Variants in SLC44A3 observed in about 807,000 individuals in gnomAD.
SLC44A3 encodes choline transporter-like protein 3.
Under a neutral mutation model 75.4 loss-of-function variants are expected in SLC44A3, and 74 were observed. The ratio of observed to expected loss-of-function variants is 0.98; its 90% CI spans 0.81 to 1.19. SLC44A3 has a LOEUF of 1.19. Ranked by LOEUF, SLC44A3 falls within the 50% of genes most tolerant of loss-of-function variation. The pLI, the probability that SLC44A3 is intolerant of heterozygous loss-of-function variation, is 0.00. For missense variants in SLC44A3, 700 were observed against 778.6 expected (o/e 0.90, Z 1.20); for synonymous variants, 310 against 296.9 (o/e 1.04, Z -0.45).
At chr1:94,858,642 G>A (rs1666195576) in intron 10 of SLC44A3, among the ~76,000 whole-genome samples, 1 of 152,080 alleles carries the variant, frequency 6.6e-6, no homozygotes, top group African/African-American at 2.4e-5. Context: ...CCATTGAGCA[G>A]TTTCCTCCTG....
At position 94,845,448 on chromosome 1, in the gene SLC44A3, GA is replaced by G; in HGVS notation, c.1057del (p.Ser353AlafsTer32). 1 of 1,611,986 alleles carries G rather than the reference GA, an allele frequency of 6.2e-7. No homozygotes were observed. Among genetic ancestry groups the G allele is most frequent in the Non-Finnish European group, 8.5e-7 (1 of 1,179,858 alleles). On this transcript the variant is annotated frameshift_variant, in exon 9 of 15. Transcript: ENST00000271227. LOFTEE classifies it high-confidence loss of function. ...FWVLWVAVLL[S>X]LGTAGAAQVM... Reference sequence around the variant, plus strand: ...GGGTCCTCTGGGTGGCTGTGCTGCTGAGCCTGGGAACTGCAGGTAAGGGACA... The same window carrying G: ...GGGTCCTCTGGGTGGCTGTGCTGCTGGCCTGGGAACTGCAGGTAAGGGACA...
At chr1:94,821,821 C>T (rs991007132) in intron 2 of SLC44A3, among the ~76,000 whole-genome samples, 5 of 152,056 alleles carry the variant, frequency 3.3e-5, no homozygotes, top group African/African-American at 1.2e-4. Flanking sequence ...TAGTAATTAC[C>T]TTTGTTGAAA....
chr1:94,889,641 T>C (rs981084625), intron 12 of SLC44A3, among the ~76,000 whole-genome samples: 1 of 152,140 alleles, frequency 6.6e-6, no homozygotes, highest in African/African-American at 2.4e-5. Flanking sequence ...GTTCATTGCA[T>C]AGTTGTTTAT....
chr1:94,888,562 C>T (rs1419027346), intron 12 of SLC44A3: 5 of 628,512 alleles, frequency 8.0e-6, no homozygotes, highest in Non-Finnish European at 9.9e-6. Context: ...TTTCCAGCAA[C>T]AGCTGGTTTG....
At chr1:94,820,857 C>T in intron 1 of SLC44A3, 92 bp from the exon 2 acceptor site, 2 of 1,338,738 alleles carry the variant, frequency 1.5e-6, no homozygotes, top group Non-Finnish European at 2.0e-6. Flanking sequence ...AGATTGGTTA[C>T]TTTGGCCCCT....
intron 7 of SLC44A3, 101 bp downstream of exon 7, chr1:94,840,138 C>A (rs1055465953): frequency 9.1e-6 from 9 of 985,020 alleles, no homozygotes; most frequent in East Asian, 4.8e-5. Flanking sequence ...TACATGGAGT[C>A]TTAAAGAGTA....
intron 4 of SLC44A3, 34 bp downstream of exon 4, chr1:94,827,677 A>T (rs371094778): frequency 7.5e-6 from 12 of 1,610,688 alleles, no homozygotes; most frequent in Non-Finnish European, 1.0e-5. Context: ...TCTTTTCCCC[A>T]TGATGGGGTA....
In SLC44A3 at chr1:94,823,402, A is replaced by C. The variant is rs182743599; in HGVS notation, c.136-1091A>C. On this transcript the variant is annotated intron_variant, in intron 2 of 14. Coordinates refer to ENST00000271227, the MANE Select transcript of SLC44A3 (RefSeq NM_001114106.3). ...CATTCATTCTAGAATCTGACCAGTT[A>C]GACTTAGGAGGATCTTGGAGAGTGG... 2.3e-3 allele frequency among the ~76,000 whole-genome samples: 345 copies of C among 152,314 alleles called. 2 individuals carry two copies. The highest frequency in any genetic ancestry group is 7.8e-3 in the African/African-American group (326 of 41,574).
chr1:94,867,433 T>C lies in SLC44A3; in HGVS notation c.1482+16T>C. ...TCTCAACCAGGTACGTCTCTACCTCTTGCCTCAGGAACACACAGAAGGGTC... is the reference window on the plus strand; with the variant it reads ...TCTCAACCAGGTACGTCTCTACCTCCTGCCTCAGGAACACACAGAAGGGTC... On this transcript the variant is annotated intron_variant, in intron 12 of 14. Transcript: ENST00000271227. 6.3e-7 allele frequency: 1 copy of C among 1,592,682 alleles called. No homozygotes were observed. The highest frequency in any genetic ancestry group is 8.6e-7 in the Non-Finnish European group (1 of 1,167,954).
At chr1:94,833,557 C>A (rs529143524) in intron 5 of SLC44A3, among the ~76,000 whole-genome samples, 1 of 152,262 alleles carries the variant, frequency 6.6e-6, no homozygotes, top group East Asian at 1.9e-4. Context: ...CCTCTGCACC[C>A]TTTGCCCTGA....
intron 5 of SLC44A3, among the ~76,000 whole-genome samples, chr1:94,829,373 A>T (rs2100961737): frequency 6.6e-6 from 1 of 152,332 alleles, no homozygotes; most frequent in South Asian, 2.1e-4. Context: ...TAAGAAACAG[A>T]CCAGATGGAC....
At chr1:94,858,673 GTGTTTGTTTGTTTGTT>G (rs59998353) in intron 10 of SLC44A3, among the ~76,000 whole-genome samples, 1 of 149,792 alleles carries the variant, frequency 6.7e-6, no homozygotes, top group African/African-American at 2.5e-5. Flanking sequence ...GCACTGTCGG[GTGTTTGTTTGTTTGTT>G]TGTTTGTTTG....
At chr1:94,837,541 C>T (rs1330367017) in intron 5 of SLC44A3, among the ~76,000 whole-genome samples, 170 bp from the exon 6 acceptor site, 3 of 152,168 alleles carry the variant, frequency 2.0e-5, no homozygotes, top group Non-Finnish European at 2.9e-5. Flanking sequence ...ATCGATGTAG[C>T]AGAGCATACT....
intron 9 of SLC44A3, 113 bp from the exon 10 acceptor site, chr1:94,857,222 G>T: frequency 9.4e-7 from 1 of 1,060,144 alleles, no homozygotes; most frequent in Non-Finnish European, 1.3e-6. Flanking sequence ...CTTGATTTTG[G>T]CATTTGTTTT....
chr1:94,854,727 G>T (rs1339628162), intron 9 of SLC44A3, among the ~76,000 whole-genome samples: 1 of 68,366 alleles, frequency 1.5e-5, no homozygotes, highest in Admixed American at 1.5e-4. Context: ...AGCCCCCCGC[G>T]CCCCCCGGTG....
At chr1:94,892,968 C>A (rs1670386824) in intron 14 of SLC44A3, among the ~76,000 whole-genome samples, 1 of 152,206 alleles carries the variant, frequency 6.6e-6, no homozygotes, top group African/African-American at 2.4e-5. Context: ...CTCCTCTGTG[C>A]CAGTATTGAC....
At chr1:94,821,479 TCA>T (rs1378931573) in intron 2 of SLC44A3, among the ~76,000 whole-genome samples, 7 of 152,048 alleles carry the variant, frequency 4.6e-5, no homozygotes, top group Non-Finnish European at 8.8e-5. Flanking sequence ...TAGCTGAACA[TCA>T]CACACACACG....
intron 12 of SLC44A3, among the ~76,000 whole-genome samples, chr1:94,883,702 C>T (rs530305807): frequency 1.3e-5 from 2 of 152,292 alleles, no homozygotes; most frequent in East Asian, 3.9e-4. Context: ...ACAATAAGTA[C>T]TCTAACTTCC....
intron 12 of SLC44A3, among the ~76,000 whole-genome samples, chr1:94,889,841 A>AT (rs1013989584): frequency 2.0e-5 from 3 of 151,914 alleles, no homozygotes; most frequent in African/African-American, 7.3e-5. Flanking sequence ...TACACTGTAT[A>AT]TTTTTTATTT....
Sources: allele counts gnomAD v4.1 joint callset (sites outside exome capture counted in the v4.1 genomes callset), GRCh38; gene constraint gnomAD v4.1.1; transcripts MANE v1.5; gene names NCBI Gene and HGNC (gene_info 2026-07-23, HGNC 2026-07-21).